HOATZ: variants seen among roughly 807,000 people sequenced by gnomAD.
The protein encoded by HOATZ is HOATZ cilia and flagella associated protein.
HOATZ carries 26 observed loss-of-function variants against 24.9 expected under a neutral mutation model. The observed-to-expected ratio is 1.04, with a 90% confidence interval of 0.76 to 1.45. HOATZ has a LOEUF of 1.45. HOATZ is among the 40% of genes most tolerant of loss of function. The probability of loss-of-function intolerance (pLI) is 0.00; values close to 1 mark genes in which losing one functional copy is unlikely to be tolerated. For missense variants in HOATZ, 226 were observed against 201.5 expected (o/e 1.12, Z -0.74); for synonymous variants, 83 against 76.6 (o/e 1.08, Z -0.43).
chr11:111,536,499 C>A, intron 5 of HOATZ: 1 of 280,736 alleles, frequency 3.6e-6, no homozygotes, highest in Non-Finnish European at 6.7e-6. Flanking sequence ...CCAAAGAAAT[C>A]AATTACCAAT....
intron 3 of HOATZ, among the ~76,000 whole-genome samples, chr11:111,530,464 A>G (rs979939606): frequency 6.6e-6 from 1 of 152,220 alleles, no homozygotes; most frequent in African/African-American, 2.4e-5. Context: ...TTCATTAACC[A>G]TCTATAACAC....
intron 3 of HOATZ, among the ~76,000 whole-genome samples, chr11:111,516,421 A>G (rs1276183401): frequency 1.3e-5 from 2 of 152,164 alleles, no homozygotes; most frequent in South Asian, 2.1e-4. Flanking sequence ...CAGAAATAGC[A>G]TAAGAGGCCA....
intron 3 of HOATZ, among the ~76,000 whole-genome samples, chr11:111,527,847 T>G (rs576304514): frequency 6.6e-6 from 1 of 152,316 alleles, no homozygotes; most frequent in East Asian, 1.9e-4. Flanking sequence ...ATATGAGATG[T>G]TTTAAAATGA....
Position 111,514,875 on chromosome 11 carries a change from G to C in HOATZ, c.91G>C (p.Glu31Gln), listed in dbSNP as rs756266139. Residue 31 changes from glutamate to glutamine, a missense_variant, in exon 1 of 6, where the codon GAA becomes CAA. Transcript: ENST00000375618. ...PGLLVFAGSSEQDANLAKQFW... is the reference protein window; with the variant it reads ...PGLLVFAGSSQQDANLAKQFW... ...ATTACTGGTATTTGCTGGCTCCTCG[G>C]AACAAGATGCCAACTTGGCTAAGCA... 10 of 1,614,146 alleles carry C rather than the reference G, an allele frequency of 6.2e-6. No homozygotes were observed. Among genetic ancestry groups the C allele is most frequent in the South Asian group, 2.2e-5 (2 of 91,074 alleles).
Position 111,514,808 on chromosome 11 carries a change from A to G in HOATZ, c.24A>G (p.Glu8=), listed in dbSNP as rs755604641. Residue 8 remains glutamate (E), a synonymous_variant, in exon 1 of 6, where the codon GAA becomes GAG. Transcript: ENST00000375618. METGPSE[E]PSGRKESQEM... is the part of the protein sequence containing the mutation. ...CCATGGAAACGGGACCCAGCGAAGAACCTAGCGGCCGAAAAGAGTCCCAGG... is the reference window on the plus strand; with the variant it reads ...CCATGGAAACGGGACCCAGCGAAGAGCCTAGCGGCCGAAAAGAGTCCCAGG... The G allele has an allele frequency of 6.2e-7, 1 of 1,613,878 alleles. No homozygotes were observed. The highest frequency in any genetic ancestry group is 2.2e-5 in the East Asian group (1 of 44,860).
intron 3 of HOATZ, among the ~76,000 whole-genome samples, chr11:111,530,327 A>T (rs1429332250): frequency 1.3e-5 from 2 of 152,216 alleles, no homozygotes; most frequent in Non-Finnish European, 2.9e-5. Context: ...CATTCAACAC[A>T]CAGCGGAACT....
chr11:111,523,950 G>A (rs972793568), intron 3 of HOATZ, among the ~76,000 whole-genome samples: 2 of 152,164 alleles, frequency 1.3e-5, no homozygotes, highest in Non-Finnish European at 2.9e-5. Flanking sequence ...GTACTGTGGT[G>A]TCATTGCTCT....
chr11:111,527,067 C>A (rs1867347513), intron 3 of HOATZ, among the ~76,000 whole-genome samples: 1 of 152,144 alleles, frequency 6.6e-6, no homozygotes, highest in Non-Finnish European at 1.5e-5. Context: ...AAATACAAAT[C>A]TCACTTATTA....
At position 111,515,524 on chromosome 11, in the gene HOATZ, C is replaced by A; in HGVS notation, c.240C>A (p.Ser80=). The A allele has an allele frequency of 2.5e-6, 4 of 1,613,570 alleles. No homozygotes were observed. The highest frequency in any genetic ancestry group is 1.3e-5 in the African/African-American group (1 of 75,022). The part of the protein sequence containing the change: ...RRSRGSENSH[S]SQSFHLASNK... ...TGTATTTTTTAGAAAACAGCCACTCCTCGCAGTCTTTTCACCTTGCGAGTA... is the reference window on the plus strand; with the variant it reads ...TGTATTTTTTAGAAAACAGCCACTCATCGCAGTCTTTTCACCTTGCGAGTA... The change falls in exon 2 of 6, where the codon TCC becomes TCA. Residue 80 remains serine, a synonymous_variant. Transcript: ENST00000375618.
At chr11:111,534,541 T>C (rs1390928524) in intron 5 of HOATZ, 77 bp downstream of exon 5, 6 of 1,168,648 alleles carry the variant, frequency 5.1e-6, no homozygotes, top group Non-Finnish European at 7.7e-6. Flanking sequence ...TTTCTTACTT[T>C]GCCACTTACC....
In HOATZ at chr11:111,515,005, G is replaced by A. The variant is rs1446749177; in HGVS notation, c.221G>A (p.Gly74Glu). ...GTGGCGCGGCCCAGGAGGAGCAGAG[G>A]GTCTGGTGAGTAGAATAGCGGCCTC... is the stretch of plus-strand genomic sequence containing the variant. The part of the protein sequence containing the change: ...LPVARPRRSR[G>E]SENSHSSQSF... The change falls in exon 1 of 6, where the codon GGG becomes GAG. Residue 74 changes from glycine (G) to glutamate (E), a missense_variant. Gly to Glu is a moderately conservative substitution (Grantham distance 98). Coordinates refer to ENST00000375618, the MANE Select transcript of HOATZ (RefSeq NM_001100388.2). 3.7e-6 allele frequency: 6 copies of A among 1,611,564 alleles called. No homozygotes were observed. The South Asian group carries it at 6.6e-5, about 18-fold the overall frequency.
chr11:111,533,615 A>G, intron 3 of HOATZ, 131 bp from the exon 4 acceptor site: 1 of 589,670 alleles, frequency 1.7e-6, no homozygotes, highest in East Asian at 3.3e-5. Context: ...ACAAAAATGT[A>G]TAAATATATC....
chr11:111,533,846 G>C (rs1260271731), intron 4 of HOATZ, 41 bp downstream of exon 4: 2 of 1,447,834 alleles, frequency 1.4e-6, no homozygotes, highest in East Asian at 2.4e-5. Context: ...CTATCTGAGT[G>C]GATGAATTGT....
At chr11:111,532,991 T>A (rs1013744423) in intron 3 of HOATZ, among the ~76,000 whole-genome samples, 1 of 152,218 alleles carries the variant, frequency 6.6e-6, no homozygotes, top group East Asian at 1.9e-4. Flanking sequence ...GAACCTATAT[T>A]TGCCTATTTT....
At chr11:111,535,493 G>A (rs980703554) in intron 5 of HOATZ, 2 of 152,196 alleles carry the variant, frequency 1.3e-5, no homozygotes, top group African/African-American at 4.8e-5. Flanking sequence ...TACCCATGCT[G>A]ACTCACCTAA....
At chr11:111,522,913 C>T (rs1467996370) in intron 3 of HOATZ, among the ~76,000 whole-genome samples, 1 of 152,146 alleles carries the variant, frequency 6.6e-6, no homozygotes, top group Non-Finnish European at 1.5e-5. Context: ...TGGTGAAACC[C>T]CGTCTCTACT....
chr11:111,515,708 A>G (rs1471956948), intron 2 of HOATZ, among the ~76,000 whole-genome samples, 156 bp downstream of exon 2: 2 of 152,242 alleles, frequency 1.3e-5, no homozygotes, highest in Non-Finnish European at 2.9e-5. Flanking sequence ...TCCAGAGGAC[A>G]ATGCCTAAAT....
chr11:111,523,205 C>CTTT lies in HOATZ; in HGVS notation c.339+7116_339+7118dup, dbSNP rs747393521. Among the ~76,000 whole-genome samples, 216 of 94,064 alleles carry CTTT rather than the reference C, an allele frequency of 2.3e-3. 2 individuals carry two copies. The highest frequency in any genetic ancestry group is 5.4e-3 in the African/African-American group (137 of 25,370). The allele number at this position is 94,064 out of a possible 152,430, so 61.7% of individuals were successfully genotyped here. On this transcript the variant is annotated intron_variant, in intron 3 of 5. Transcript: ENST00000375618. ...TTTGTCATTTCATGCTAAGTGTTCA[C>CTTT]TTTTTTTTTTTTTTTTTTTTTTTGG...
rs1867192073 is a variant in HOATZ at position 111,515,982 on chromosome 11, T to C, written c.269-58T>C. On this transcript the variant is annotated intron_variant, in intron 2 of 5. Coordinates refer to ENST00000375618, the MANE Select transcript of HOATZ (RefSeq NM_001100388.2). ...AACCCATGTCCAATTTTATATCAATTTTAGTATAAAATCATAATAAAATTA... is the reference window on the plus strand; with the variant it reads ...AACCCATGTCCAATTTTATATCAATCTTAGTATAAAATCATAATAAAATTA... The C allele has an allele frequency of 1.6e-5, 19 of 1,161,340 alleles. 1 individual carries two copies. In the South Asian group the frequency reaches 2.5e-4, roughly 15 times the overall value. The allele number at this position is 1,161,340 out of a possible 1,614,324, so 71.9% of individuals were successfully genotyped here.
Sources: allele counts gnomAD v4.1 joint callset (sites outside exome capture counted in the v4.1 genomes callset), GRCh38; gene constraint gnomAD v4.1.1; transcripts MANE v1.5; gene names NCBI Gene and HGNC (gene_info 2026-07-23, HGNC 2026-07-21).